Variants in PHC2 observed in about 807,000 individuals in gnomAD.
PHC2 encodes the protein polyhomeotic homolog 2, also known as polyhomeotic-like protein 2.
PHC2 carries 29 observed loss-of-function variants against 87.4 expected under a neutral mutation model. The ratio of observed to expected loss-of-function variants is 0.33; its 90% CI spans 0.25 to 0.45. PHC2 has a LOEUF of 0.45. PHC2 is among the 20% of genes least tolerant of loss of function. The pLI is 1.00. For missense variants in PHC2, 857 were observed against 1,136.7 expected (o/e 0.75, Z 3.54); for synonymous variants, 438 against 461.7 (o/e 0.95, Z 0.66).
chr1:33,424,903 A>G (rs982376340), intron 1 of PHC2, among the ~76,000 whole-genome samples: 1 of 152,230 alleles, frequency 6.6e-6, no homozygotes, highest in African/African-American at 2.4e-5. Flanking sequence ...AATCAGGCCT[A>G]AGATTCTGGG....
At position 33,331,261 on chromosome 1, in the gene PHC2, A is replaced by T. The variant is rs916564150; in HGVS notation, c.2006+87T>A. ...CTAGGAAACTGGAGAAGCCACCCCT[A>T]TGGACCTCCTGGGGTAGACTATTAA... On this transcript the variant is annotated intron_variant, in intron 12 of 14. Transcript: ENST00000683057. This position sits in a 1 kb window ranked among gnomAD's most constrained non-coding sequence, Gnocchi z 5.2. 1.5e-6 allele frequency: 1 copy of T among 683,142 alleles called. No homozygotes were observed. The highest frequency in any genetic ancestry group is 1.8e-5 in the African/African-American group (1 of 55,688). 42.3% of individuals were successfully genotyped at this position (683,142 alleles called of 1,614,324 possible).
intron 1 of PHC2, among the ~76,000 whole-genome samples, chr1:33,403,190 G>A (rs1178915125): frequency 2.2e-5 from 3 of 134,868 alleles, no homozygotes; most frequent in African/African-American, 8.4e-5. Context: ...GCAGTGGTGC[G>A]ATCTCGGCTC....
chr1:33,415,212 C>A (rs4503314), intron 1 of PHC2, among the ~76,000 whole-genome samples: 2 of 151,908 alleles, frequency 1.3e-5, no homozygotes, highest in African/African-American at 4.8e-5. Context: ...GGAGTTCTAT[C>A]GACAGGCCTC....
chr1:33,326,881 G>A (rs184957331), intron 14 of PHC2, among the ~76,000 whole-genome samples: 31 of 152,246 alleles, frequency 2.0e-4, no homozygotes, highest in Non-Finnish European at 3.1e-4. Context: ...CCCAGGAGGC[G>A]GAGGTTGCAG....
intron 14 of PHC2, 71 bp downstream of exon 14, chr1:33,328,799 G>C: frequency 7.0e-7 from 1 of 1,438,326 alleles, no homozygotes; most frequent in African/African-American, 1.4e-5. Flanking sequence ...AATCCTCCTG[G>C]TGGTGGGAGG....
intron 1 of PHC2, among the ~76,000 whole-genome samples, chr1:33,381,788 A>G (rs1368117570): frequency 6.6e-6 from 1 of 151,898 alleles, no homozygotes; most frequent in Non-Finnish European, 1.5e-5. Context: ...GTCCATTTAT[A>G]CTTACAAAAT....
In PHC2 at chr1:33,379,156, G is replaced by A. The variant is rs186457006; in HGVS notation, c.-54-3563C>T. On this transcript the variant is annotated intron_variant, in intron 1 of 14. Transcript: ENST00000683057. ...GACAGCCACTGCTCCCCATGCAGGG[G>A]AGAGAGACTTACTGCAGCAACCTGG... Among the ~76,000 whole-genome samples, 489 of 151,886 alleles carry A rather than the reference G, an allele frequency of 3.2e-3. 1 individual carries two copies. The highest frequency in any genetic ancestry group is 0.011 in the African/African-American group (470 of 41,400).
intron 7 of PHC2, among the ~76,000 whole-genome samples, chr1:33,361,516 G>T (rs1647194176): frequency 6.6e-6 from 1 of 152,014 alleles, no homozygotes; most frequent in South Asian, 2.1e-4. Context: ...AATTTTTGTA[G>T]TTTTAGTAGA....
intron 14 of PHC2, among the ~76,000 whole-genome samples, chr1:33,327,343 C>T (rs1167407504): frequency 1.3e-5 from 2 of 152,190 alleles, no homozygotes; most frequent in Non-Finnish European, 2.9e-5. Flanking sequence ...GGAGCCTCAT[C>T]TCACCTCAAT....
intron 12 of PHC2, 140 bp from the exon 13 acceptor site, chr1:33,330,352 CTGTG>C: frequency 1.2e-6 from 1 of 867,768 alleles, no homozygotes; most frequent in Non-Finnish European, 1.8e-6. Context: ...TAACTACTAG[CTGTG>C]TGACTTTGGG....
At chr1:33,395,173 G>A (rs1649242624) in intron 1 of PHC2, among the ~76,000 whole-genome samples, 1 of 152,130 alleles carries the variant, frequency 6.6e-6, no homozygotes, top group African/African-American at 2.4e-5. Flanking sequence ...AAAATACTAT[G>A]CTGAATAAAA....
chr1:33,405,095 T>C (rs576641393), intron 1 of PHC2, among the ~76,000 whole-genome samples: 11 of 152,316 alleles, frequency 7.2e-5, no homozygotes, highest in African/African-American at 2.6e-4. Flanking sequence ...ACCTCTAGGA[T>C]CGGCAGTGAT....
chr1:33,371,834 T>C (rs564087913), intron 3 of PHC2, among the ~76,000 whole-genome samples: 1 of 152,368 alleles, frequency 6.6e-6, no homozygotes, highest in Admixed American at 6.5e-5. Context: ...GACAGGGTGC[T>C]CAGTATACCC....
chr1:33,358,736 T>G (rs1647139894), intron 7 of PHC2: 1 of 152,228 alleles, frequency 6.6e-6, no homozygotes, highest in South Asian at 2.1e-4. Context: ...CTTTTAATTT[T>G]TATTATTTCT....
intron 7 of PHC2, among the ~76,000 whole-genome samples, chr1:33,365,613 A>G (rs1003944001): frequency 6.6e-6 from 1 of 152,174 alleles, no homozygotes; most frequent in African/African-American, 2.4e-5. Flanking sequence ...TTTTTCCATA[A>G]AAGGAAGAGG....
intron 1 of PHC2, among the ~76,000 whole-genome samples, chr1:33,395,122 A>G (rs1322353908): frequency 6.6e-6 from 1 of 152,240 alleles, no homozygotes; most frequent in Non-Finnish European, 1.5e-5. Flanking sequence ...CAATAAAGAG[A>G]AACAAAATAT....
At chr1:33,389,093 C>A (rs141113630) in intron 1 of PHC2, among the ~76,000 whole-genome samples, 1,804 of 144,612 alleles carry the variant, frequency 0.012, 41 homozygotes, top group African/African-American at 0.047. Flanking sequence ...AGAAAAAAAA[C>A]CCCCTCACCT....
Position 33,349,273 on chromosome 1 carries a change from C to T in PHC2, c.1558+5128G>A. The T allele has an allele frequency of 1.0e-6, 1 of 985,460 alleles. No homozygotes were observed. The highest frequency in any genetic ancestry group is 1.2e-6 in the Non-Finnish European group (1 of 829,956). 61.0% of individuals were successfully genotyped at this position (985,460 alleles called of 1,614,324 possible). On this transcript the variant is annotated intron_variant, in intron 9 of 14. Transcript: ENST00000683057. The surrounding 1 kb of genome is among the most constrained non-coding windows in gnomAD (Gnocchi z 4.2). ...CTCGTCCCCGAACGCACCGTCCGTC[C>T]CAGGGAAGTCGCAGCGGCGGGGAGG...
chr1:33,405,851 C>T (rs1202547091), intron 1 of PHC2, among the ~76,000 whole-genome samples: 3 of 152,166 alleles, frequency 2.0e-5, no homozygotes, highest in Non-Finnish European at 4.4e-5. Context: ...GGTCAGAGAG[C>T]ATAATTATGT....
Sources: allele counts gnomAD v4.1 joint callset (sites outside exome capture counted in the v4.1 genomes callset), GRCh38; gene constraint gnomAD v4.1.1; non-coding constraint Gnocchi (gnomAD v3.1); transcripts MANE v1.5; gene names NCBI Gene and HGNC (gene_info 2026-07-23, HGNC 2026-07-21).